Variants in MYLK3 observed in about 807,000 individuals in gnomAD.
The protein encoded by MYLK3 is myosin light chain kinase 3, also known as MLC kinase.
Under a neutral mutation model 76.3 loss-of-function variants are expected in MYLK3, and 55 were observed. The observed-to-expected ratio is 0.72, with a 90% CI of 0.58 to 0.90. The LOEUF (loss-of-function observed/expected upper bound fraction) is 0.90, where lower values mean the gene tolerates loss of function less well. Ranked by LOEUF, MYLK3 falls within the 40% of genes least tolerant of loss-of-function variation. The probability of loss-of-function intolerance (pLI) is 0.00; values close to 1 mark genes in which losing one functional copy is unlikely to be tolerated. For synonymous variants in MYLK3, 416 were observed against 425.4 expected (o/e 0.98, Z 0.27); for missense variants, 973 against 1,053.6 (o/e 0.92, Z 1.06).
At chr16:46,752,320 G>A (rs552786550), upstream of MYLK3, among the ~76,000 whole-genome samples, 9 of 152,168 alleles carry the variant, frequency 5.9e-5, no homozygotes, top group South Asian at 1.9e-3. Context: ...ACTGCAACTG[G>A]AACTCCTAGG....
At chr16:46,718,579 G>C (rs1049362396) in intron 9 of MYLK3, among the ~76,000 whole-genome samples, 8 of 152,238 alleles carry the variant, frequency 5.3e-5, no homozygotes, top group African/African-American at 1.9e-4. Flanking sequence ...GCGCGGCTCT[G>C]CATCCAGGGG....
At position 46,747,742 on chromosome 16, in the gene MYLK3, C is replaced by A; in HGVS notation, c.452G>T (p.Gly151Val). The A allele has an allele frequency of 1.9e-6, 3 of 1,613,966 alleles. No homozygotes were observed. Among genetic ancestry groups the A allele is most frequent in the Admixed American group, 1.7e-5 (1 of 60,016 alleles). Residue 151 changes from glycine to valine, a missense_variant, in exon 1 of 13, where the codon GGC becomes GTC. Gly to Val is a moderately radical substitution (Grantham distance 109, BLOSUM62 -3). Coordinates refer to ENST00000394809, the MANE Select transcript of MYLK3 (RefSeq NM_182493.3). ...LMQGRVPWRRGSPGDSPEENK... is the reference protein window; with the variant it reads ...LMQGRVPWRRVSPGDSPEENK... ...CTCCTCAGGGCTGTCACCTGGGCTG[C>A]CTCTCCTCCAGGGCACACGCCCCTG... is the stretch of plus-strand genomic sequence containing the variant.
At position 46,738,139 on chromosome 16, in the gene MYLK3, G is replaced by T. The variant is rs746633783; in HGVS notation, c.573C>A (p.Ser191Arg). Reference sequence around the variant, plus strand: ...TCCCCTCCAGCACGTCCGCCTTCTGGCTCTCTACAGGAAAACAGGCAGGAC... The same window carrying T: ...TCCCCTCCAGCACGTCCGCCTTCTGTCTCTCTACAGGAAAACAGGCAGGAC... ...QSDAREPGEESQKADVLEGTA... is the reference protein window; with the variant it reads ...QSDAREPGEERQKADVLEGTA... The change falls in exon 3 of 13, where the codon AGC becomes AGA. Residue 191 changes from serine (S) to arginine (R), a missense_variant. By Grantham distance (110) the Ser-to-Arg change is moderately radical (BLOSUM62 -1). Around this residue, in one of 2 missense-constraint regions of MYLK3, gnomAD observed 641 missense variants for 637.0 expected, o/e 1.01. Transcript: ENST00000394809. 1.3e-6 allele frequency: 2 copies of T among 1,526,376 alleles called. No homozygotes were observed. Among genetic ancestry groups the T allele is most frequent in the East Asian group, 2.3e-5 (1 of 43,800 alleles). The allele number at this position is 1,526,376 out of a possible 1,614,324, so 94.6% of individuals were successfully genotyped here.
At chr16:46,744,478 A>G (rs1244333618) in intron 1 of MYLK3, among the ~76,000 whole-genome samples, 1 of 150,932 alleles carries the variant, frequency 6.6e-6, no homozygotes, top group Non-Finnish European at 1.5e-5. Flanking sequence ...AGTAGCTGGC[A>G]TTACAGGTAT....
At chr16:46,741,137 C>T (rs1426076687) in intron 1 of MYLK3, among the ~76,000 whole-genome samples, 1 of 152,246 alleles carries the variant, frequency 6.6e-6, no homozygotes, top group Non-Finnish European at 1.5e-5. Context: ...TCACTTTCCT[C>T]ATCTGTAAAA....
chr16:46,749,722 G>A (rs756976650), upstream of MYLK3, among the ~76,000 whole-genome samples: 5 of 152,194 alleles, frequency 3.3e-5, no homozygotes, highest in Admixed American at 6.5e-5. Flanking sequence ...CCAACAGAAC[G>A]AGACCCTGTC....
intron 1 of MYLK3, among the ~76,000 whole-genome samples, chr16:46,741,008 C>T (rs914467362): frequency 3.3e-5 from 5 of 152,174 alleles, no homozygotes; most frequent in Non-Finnish European, 7.3e-5. Flanking sequence ...GTTGGGGGAT[C>T]CCATGGTCAC....
At chr16:46,734,986 A>G (rs937016661) in intron 3 of MYLK3, among the ~76,000 whole-genome samples, 2 of 151,726 alleles carry the variant, frequency 1.3e-5, no homozygotes, top group East Asian at 2.0e-4. Flanking sequence ...ACAAAAACAT[A>G]AAAAATTAAC....
chr16:46,709,591 C>T lies in MYLK3; in HGVS notation c.2348G>A (p.Arg783His), dbSNP rs780099005. The T allele has an allele frequency of 2.5e-5, 41 of 1,614,008 alleles. No homozygotes were observed. In the East Asian group the frequency reaches 2.7e-4, roughly 11 times the overall value. ...CTGCAGCAGTAGTTGGGATTTGAGA[C>T]GAGTTTTGGATCTTGAAGCTTTGGC... ...LPAKASRSKT[R>H]LKSQLLLQKY... The change falls in exon 12 of 13, where the codon CGT becomes CAT. Residue 783 changes from arginine (R) to histidine (H), a missense_variant. Arg to His is a conservative substitution (Grantham distance 29). Transcript: ENST00000394809.
In MYLK3 at chr16:46,740,141, C is replaced by G; in HGVS notation, c.484G>C (p.Glu162Gln). Reference sequence around the variant, plus strand: ...TTTCCTCCCTCTTCTTCCACTCGCTCTTTATTCTAAAATAACAACCATAAA... The same window carrying G: ...TTTCCTCCCTCTTCTTCCACTCGCTGTTTATTCTAAAATAACAACCATAAA... ...SPGDSPEENK[E>Q]RVEEEGGKPK... The change falls in exon 2 of 13, where the codon GAG (glutamate) becomes CAG (glutamine). Residue 162 changes from glutamate (E) to glutamine (Q), a missense_variant. Transcript: ENST00000394809. The G allele has an allele frequency of 1.2e-6, 2 of 1,613,468 alleles. No individual in the cohort carries two copies. The highest frequency in any genetic ancestry group is 1.7e-6 in the Non-Finnish European group (2 of 1,179,546).
intron 12 of MYLK3, among the ~76,000 whole-genome samples, chr16:46,708,833 T>C (rs189708338): frequency 9.2e-5 from 14 of 152,312 alleles, no homozygotes; most frequent in Admixed American, 4.6e-4. Flanking sequence ...TAAACAAAAT[T>C]ATAAAGTTTT....
At position 46,738,040 on chromosome 16, in the gene MYLK3, G is replaced by T; in HGVS notation, c.672C>A (p.Gly224=). The change falls in exon 3 of 13, where the codon GGC becomes GGA. Residue 224 remains glycine, a synonymous_variant. Coordinates refer to ENST00000394809, the MANE Select transcript of MYLK3 (RefSeq NM_182493.3). ...CTGGGCCAGGAACACCATCTCCCTG[G>T]CCCGGTGAGACCACTGCCTGGGCGG... ...ADPAQAVVSP[G]QGDGVPGPAQ... 1 of 1,611,258 alleles carries T rather than the reference G, an allele frequency of 6.2e-7. No individual in the cohort carries two copies. Among genetic ancestry groups the T allele is most frequent in the Non-Finnish European group, 8.5e-7 (1 of 1,179,566 alleles).
chr16:46,729,130 C>T lies in MYLK3; in HGVS notation c.1666G>A (p.Asp556Asn). 4 of 1,613,630 alleles carry T rather than the reference C, an allele frequency of 2.5e-6. No homozygotes were observed. Among genetic ancestry groups the T allele is most frequent in the Non-Finnish European group, 3.4e-6 (4 of 1,179,564 alleles). The change falls in exon 7 of 13, where the codon GAC (aspartate) becomes AAC (asparagine). Residue 556 changes from aspartate (D) to asparagine (N), a missense_variant. Around this residue, in one of 2 missense-constraint regions of MYLK3, gnomAD observed 332 missense variants for 416.6 expected, o/e 0.80. Transcript: ENST00000394809. ...IKVKSAKDRE[D>N]VKNEINIMNQ... is the part of the protein sequence containing the mutation. Reference sequence around the variant, plus strand: ...ATGATGTTGATCTCGTTCTTCACGTCCTCCTTGGGGGAACCAGAGGACAGA... The same window carrying T: ...ATGATGTTGATCTCGTTCTTCACGTTCTCCTTGGGGGAACCAGAGGACAGA...
intron 1 of MYLK3, among the ~76,000 whole-genome samples, chr16:46,756,921 A>T (rs1043301598): frequency 6.6e-6 from 1 of 152,168 alleles, no homozygotes; most frequent in African/African-American, 2.4e-5. Flanking sequence ...CTGACCGCAG[A>T]CGGTCAGCCC....
intron 5 of MYLK3, 83 bp from the exon 6 acceptor site, chr16:46,729,770 C>T: frequency 8.2e-7 from 1 of 1,213,226 alleles, no homozygotes; most frequent in South Asian, 1.2e-5. Context: ...TCCAACTCAT[C>T]CACACACAGG....
intron 11 of MYLK3, among the ~76,000 whole-genome samples, 192 bp downstream of exon 11, chr16:46,710,445 G>A (rs1966670906): frequency 6.6e-6 from 1 of 152,136 alleles, no homozygotes; most frequent in Non-Finnish European, 1.5e-5. Context: ...GCCCCTACTT[G>A]TTTGTTGTTT....
chr16:46,747,824 C>T lies in MYLK3; in HGVS notation c.370G>A (p.Ala124Thr), dbSNP rs147831842. The part of the protein sequence containing the change: ...LFRMVAAVDR[A>T]IALVGATFQK... ...AACGTGGCCCCCACCAAAGCGATGG[C>T]CCTGTCCACCGCAGCCACCATCCTG... The change falls in exon 1 of 13, where the codon GCC becomes ACC. Residue 124 changes from alanine to threonine, a missense_variant. Physicochemically the swap from Ala to Thr is moderately conservative, Grantham distance 58. This residue lies in a region of MYLK3 where 641 missense variants were observed against 637.0 expected (regional missense o/e 1.01). Coordinates refer to ENST00000394809, the MANE Select transcript of MYLK3 (RefSeq NM_182493.3). The T allele has an allele frequency of 6.2e-7, 1 of 1,614,090 alleles. No homozygotes were observed. The highest frequency in any genetic ancestry group is 8.5e-7 in the Non-Finnish European group (1 of 1,180,044).
intron 6 of MYLK3, 69 bp from the exon 7 acceptor site, chr16:46,729,202 C>T (rs1966847829): frequency 1.7e-6 from 2 of 1,179,434 alleles, no homozygotes; most frequent in Non-Finnish European, 1.3e-6. Context: ...GCTGACCTCC[C>T]AAGACAGACA....
rs1966847918 is a variant in MYLK3, at chr16:46,729,269, AC to A, written c.1663-137del. ...TCTCACACCAGGTCTCCCTGACTCAACACCCAAACCAGATTCTACAACACAA... is the reference window on the plus strand; with the variant it reads ...TCTCACACCAGGTCTCCCTGACTCAAACCCAAACCAGATTCTACAACACAA... On this transcript the variant is annotated intron_variant, in intron 6 of 12. Coordinates refer to ENST00000394809, the MANE Select transcript of MYLK3 (RefSeq NM_182493.3). 6 of 701,592 alleles carry A rather than the reference AC, an allele frequency of 8.6e-6. No individual in the cohort carries two copies. In the Admixed American group the frequency reaches 1.4e-4, roughly 16 times the overall value. The allele number at this position is 701,592 out of a possible 1,614,324, so 43.5% of individuals were successfully genotyped here.
Sources: gnomAD v4.1 joint callset for allele counts (sites outside exome capture counted in the v4.1 genomes callset) on GRCh38, gnomAD v4.1.1 for gene constraint, gnomAD v4.1.1 regional missense constraint, MANE v1.5 for transcripts, NCBI Gene and HGNC (gene_info 2026-07-23, HGNC 2026-07-21) for gene names.